Variants in GDF3 observed in about 807,000 individuals in gnomAD.
GDF3 encodes the protein growth differentiation factor 3.
A neutral mutation model predicts 10.2 loss-of-function variants in GDF3; 10 were observed. That is an observed-to-expected ratio of 0.98 (90% CI 0.60 to 1.66). The LOEUF is 1.66. Ranked by LOEUF, GDF3 falls within the 40% of genes most tolerant of loss-of-function variation. The pLI is 0.00. For synonymous variants in GDF3, 166 were observed against 178.5 expected (o/e 0.93, Z 0.56); for missense variants, 450 against 438.3 (o/e 1.03, Z -0.24).
chr12:7,691,806 G>C (rs1864133476), intron 1 of GDF3, among the ~76,000 whole-genome samples: 1 of 141,748 alleles, frequency 7.1e-6, no homozygotes, highest in Admixed American at 7.0e-5. Flanking sequence ...AGGAGATCGA[G>C]ACCATCCTGG....
chr12:7,690,261 G>C lies in GDF3; in HGVS notation c.712C>G (p.Leu238Val), dbSNP rs754263899. Residue 238 changes from leucine (L) to valine (V), a missense_variant, in exon 2 of 2, where the codon CTC becomes GTC. Leu to Val is a conservative substitution (Grantham distance 32). Coordinates refer to ENST00000329913, the MANE Select transcript of GDF3 (RefSeq NM_020634.3). ...SLHASLLVVT[L>V]NPDQCHPSRK... ...GAAGGGTGGCACTGATCAGGGTTGA[G>C]AGTCACCACCAGCAGGGAAGCATGA... 2 of 1,614,170 alleles carry C rather than the reference G, an allele frequency of 1.2e-6. No individual in the cohort carries two copies. Among genetic ancestry groups the C allele is most frequent in the Non-Finnish European group, 1.7e-6 (2 of 1,180,046 alleles).
intron 1 of GDF3, among the ~76,000 whole-genome samples, chr12:7,691,839 C>T (rs1864134129): frequency 6.6e-6 from 1 of 150,958 alleles, no homozygotes; most frequent in Admixed American, 6.6e-5. Flanking sequence ...AACCCCATCT[C>T]TACTAAAAAT....
Position 7,690,470 on chromosome 12 carries a change from A to G in GDF3, c.503T>C (p.Val168Ala). Residue 168 changes from valine to alanine, a missense_variant, in exon 2 of 2, where the codon GTG becomes GCG. Coordinates refer to ENST00000329913, the MANE Select transcript of GDF3 (RefSeq NM_020634.3). ...TTGTGGCCATGGGACTGACCGCAAC[A>G]CAAACATTTTACCTGGCTTAGGGGT... ...QTTPKPGKMF[V>A]LRSVPWPQGA... 1 of 1,614,126 alleles carries G rather than the reference A, an allele frequency of 6.2e-7. No homozygotes were observed. The highest frequency in any genetic ancestry group is 8.5e-7 in the Non-Finnish European group (1 of 1,179,984).
Position 7,689,870 on chromosome 12 carries a change from C to T in GDF3, c.*8G>A. The T allele has an allele frequency of 3.2e-6, 5 of 1,570,068 alleles. No individual in the cohort carries two copies. Among genetic ancestry groups the T allele is most frequent in the Non-Finnish European group, 4.4e-6 (5 of 1,139,988 alleles). On this transcript the variant is annotated 3_prime_UTR_variant, in exon 2 of 2. Transcript: ENST00000329913. ...AAGAACACTCCTTCTATTCCCATTTCTGACATCCTACCCACACCCACATTC... is the reference window on the plus strand; with the variant it reads ...AAGAACACTCCTTCTATTCCCATTTTTGACATCCTACCCACACCCACATTC...
At chr12:7,691,235 C>T (rs896888219) in intron 1 of GDF3, among the ~76,000 whole-genome samples, 15 of 151,718 alleles carry the variant, frequency 9.9e-5, no homozygotes, top group Non-Finnish European at 1.8e-4. Flanking sequence ...AGAGGGTGCA[C>T]GAACTTAGAT....
At position 7,689,784 on chromosome 12, in the gene GDF3, T is replaced by G. The variant is rs761425629; in HGVS notation, c.*94A>C. 2.1e-5 allele frequency: 18 copies of G among 871,462 alleles called. No homozygotes were observed. The African/African-American group carries it at 2.1e-4, about 10-fold the overall frequency. The allele number at this position is 871,462 out of a possible 1,614,324, so 54.0% of individuals were successfully genotyped here. A position where few individuals can be genotyped will look rare whatever the true frequency, so the allele number is the denominator to read the frequency against. Reference sequence around the variant, plus strand: ...AAGACAAATTATAAACACAGGTATATTGACATTTCGATCTAAGTGGTCATA... The same window carrying G: ...AAGACAAATTATAAACACAGGTATAGTGACATTTCGATCTAAGTGGTCATA... On this transcript the variant is annotated 3_prime_UTR_variant, in exon 2 of 2. Transcript: ENST00000329913.
intron 1 of GDF3, among the ~76,000 whole-genome samples, chr12:7,692,043 T>C (rs7296243): frequency 6.6e-6 from 1 of 151,858 alleles, no homozygotes; most frequent in Non-Finnish European, 1.5e-5. Flanking sequence ...AAAAAAGTTT[T>C]AAAAAAATTT....
rs753664039 is a variant in GDF3, at chr12:7,689,899, G to A, written c.1074C>T (p.Val358=). Residue 358 remains valine (V), a synonymous_variant, in exon 2 of 2, where the codon GTC becomes GTT. Transcript: ENST00000329913. The part of the protein sequence containing the change: ...VILRHYEDMV[V]DECGCG Reference sequence around the variant, plus strand: ...CATCCTACCCACACCCACATTCATCGACTACCATGTCTTCATAATGTCGTA... The same window carrying A: ...CATCCTACCCACACCCACATTCATCAACTACCATGTCTTCATAATGTCGTA... 1.8e-5 allele frequency: 29 copies of A among 1,610,674 alleles called. No homozygotes were observed. The African/African-American group carries it at 3.5e-4, about 19-fold the overall frequency.
Position 7,690,147 on chromosome 12 carries a change from G to C in GDF3, c.826C>G (p.Leu276Val). The C allele has an allele frequency of 6.2e-7, 1 of 1,614,186 alleles. No homozygotes were observed. Among genetic ancestry groups the C allele is most frequent in the Non-Finnish European group, 8.5e-7 (1 of 1,180,042 alleles). ...GCAATGATCCACTTGTGCCAACCCA[G>C]GTCCCGGAAGTTAATGAATAGCTGG... ...RHQLFINFRDLGWHKWIIAPK... is the reference protein window; with the variant it reads ...RHQLFINFRDVGWHKWIIAPK... The change falls in exon 2 of 2, where the codon CTG (leucine) becomes GTG (valine). Residue 276 changes from leucine (L) to valine (V), a missense_variant. Leu to Val is a conservative substitution (Grantham distance 32, BLOSUM62 1). Transcript: ENST00000329913.
At chr12:7,693,185 C>T (rs1204339710) in intron 1 of GDF3, among the ~76,000 whole-genome samples, 1 of 151,908 alleles carries the variant, frequency 6.6e-6, no homozygotes, top group Admixed American at 6.6e-5. Flanking sequence ...AATGACTTCA[C>T]GCTTGAGTAG....
chr12:7,695,636 T>C lies in GDF3; in HGVS notation c.93A>G (p.Gln31=). Residue 31 remains glutamine, a synonymous_variant, in exon 1 of 2, where the codon CAA becomes CAG. Transcript: ENST00000329913. Reference sequence around the variant, plus strand: ...AAGGCGCCTTATCTAAGCCCAGAAATTGGAGAAAGACATATTCTTGAAATT... The same window carrying C: ...AAGGCGCCTTATCTAAGCCCAGAAACTGGAGAAAGACATATTCTTGAAATT... ...AVQFQEYVFL[Q]FLGLDKAPSP... 2 of 1,614,076 alleles carry C rather than the reference T, an allele frequency of 1.2e-6. No individual in the cohort carries two copies.
Position 7,691,814 on chromosome 12 carries a change from T to C in GDF3, c.269-1110A>G, listed in dbSNP as rs1190338179. On this transcript the variant is annotated intron_variant, in intron 1 of 1. Coordinates refer to ENST00000329913, the MANE Select transcript of GDF3 (RefSeq NM_020634.3). ...CGAGATGAGGAGATCGAGACCATCC[T>C]GGCTAACACGGTAAAACCCCATCTC... Among the ~76,000 whole-genome samples, 4 of 149,382 alleles carry C rather than the reference T, an allele frequency of 2.7e-5. No homozygotes were observed. The East Asian group carries it at 6.1e-4, about 23-fold the overall frequency.
chr12:7,690,331 C>A lies in GDF3; in HGVS notation c.642G>T (p.Val214=), dbSNP rs149033500. 3.8e-5 allele frequency: 61 copies of A among 1,613,976 alleles called. No individual in the cohort carries two copies. The highest frequency in any genetic ancestry group is 4.9e-5 in the Non-Finnish European group (58 of 1,180,002). The change falls in exon 2 of 2, where the codon GTG becomes GTT. Residue 214 remains valine, a synonymous_variant. Coordinates refer to ENST00000329913, the MANE Select transcript of GDF3 (RefSeq NM_020634.3). ...CACAGGTGTCTTCAGGCTGAAAATT[C>A]ACCCCTGAGTCTCTATCTTCTTTGA... The part of the protein sequence containing the change: ...ILVKEDRDSG[V]NFQPEDTCAR...
Position 7,690,975 on chromosome 12 carries a change from C to A in GDF3, c.269-271G>T, listed in dbSNP as rs186050965. ...GACTATCCTGGCTAACATGGTGAAA[C>A]CCCGTCTCTACTAAAAATACAAAAA... is the stretch of plus-strand genomic sequence containing the variant. On this transcript the variant is annotated intron_variant, in intron 1 of 1. Transcript: ENST00000329913. Among the ~76,000 whole-genome samples, 876 of 151,964 alleles carry A rather than the reference C, an allele frequency of 5.8e-3. 8 individuals are homozygous for A. The highest frequency in any genetic ancestry group is 0.019 in the African/African-American group (796 of 41,464).
rs942137059 is a variant in GDF3 at position 7,692,805 on chromosome 12, AT to A, written c.269-2102del. Reference sequence around the variant, plus strand: ...AGGCAAAAGCCACCACACCCAGCCAATTTTTTTTTTAAGTTTTTGTAGAGAT... The same window carrying A: ...AGGCAAAAGCCACCACACCCAGCCAATTTTTTTTTAAGTTTTTGTAGAGAT... On this transcript the variant is annotated intron_variant, in intron 1 of 1. Coordinates refer to ENST00000329913, the MANE Select transcript of GDF3 (RefSeq NM_020634.3). Among the ~76,000 whole-genome samples, 8 of 149,068 alleles carry A rather than the reference AT, an allele frequency of 5.4e-5. No individual in the cohort carries two copies. In the East Asian group the frequency reaches 7.9e-4, roughly 15 times the overall value.
chr12:7,694,514 C>A (rs1232605520), intron 1 of GDF3, among the ~76,000 whole-genome samples: 1 of 135,378 alleles, frequency 7.4e-6, no homozygotes, highest in African/African-American at 2.8e-5. Flanking sequence ...GCGGAGGTTG[C>A]AGTGAGCTGA....
At chr12:7,694,422 A>C (rs776001987) in intron 1 of GDF3, among the ~76,000 whole-genome samples, 3 of 151,718 alleles carry the variant, frequency 2.0e-5, no homozygotes, top group Non-Finnish European at 2.9e-5. Context: ...AAAAATTAAA[A>C]AATTAGCTGG....
At position 7,695,554 on chromosome 12, in the gene GDF3, C is replaced by A; in HGVS notation, c.175G>T (p.Glu59Ter). The A allele has an allele frequency of 6.2e-7, 1 of 1,614,124 alleles. No individual in the cohort carries two copies. Among genetic ancestry groups the A allele is most frequent in the South Asian group, 1.1e-5 (1 of 91,082 alleles). The part of the protein sequence containing the change: ...YILKKIFQDR[E>*]AAATTGVSRD... ...GAGACCCCAGTGGTCGCTGCTGCCT[C>A]GCGATCCTGGAAAATTTTCTTCAAG... The change falls in exon 1 of 2, where the codon GAG becomes TAG. Residue 59 changes from glutamate (E) to a stop codon, truncating the protein, a stop_gained. Coordinates refer to ENST00000329913, the MANE Select transcript of GDF3 (RefSeq NM_020634.3). LOFTEE classifies it high-confidence loss of function.
chr12:7,695,385 C>T, intron 1 of GDF3, 76 bp downstream of exon 1: 1 of 1,336,366 alleles, frequency 7.5e-7, no homozygotes, highest in Non-Finnish European at 1.1e-6. Flanking sequence ...CAGTAATTGT[C>T]ATTTCCTATT....
Sources: gnomAD v4.1 joint callset for allele counts (sites outside exome capture counted in the v4.1 genomes callset) on GRCh38, gnomAD v4.1.1 for gene constraint, MANE v1.5 for transcripts, NCBI Gene and HGNC (gene_info 2026-07-23, HGNC 2026-07-21) for gene names.